Variants in CLIC5 observed in about 807,000 individuals in gnomAD.
The protein encoded by CLIC5 is chloride intracellular channel protein 5.
A neutral mutation model predicts 24.7 loss-of-function variants in CLIC5; 20 were observed. The ratio of observed to expected loss-of-function variants is 0.81; its 90% confidence interval spans 0.57 to 1.18. CLIC5 has a LOEUF of 1.18. Ranked by LOEUF, CLIC5 falls within the 50% of genes most tolerant of loss-of-function variation. CLIC5 has a pLI of 0.00. For missense variants in CLIC5, 341 were observed against 326.1 expected (o/e 1.05, Z -0.35); for synonymous variants, 159 against 135.6 (o/e 1.17, Z -1.20).
At chr6:45,930,798 A>G (rs1763707519) in intron 4 of CLIC5, among the ~76,000 whole-genome samples, 1 of 152,218 alleles carries the variant, frequency 6.6e-6, no homozygotes, top group Non-Finnish European at 1.5e-5. Context: ...AGTGATTTAT[A>G]TGCATTAATT....
At chr6:46,119,568 G>C in the CLIC5 span, among the ~76,000 whole-genome samples, 2 of 152,220 alleles carry the variant, frequency 1.3e-5, no homozygotes, top group Non-Finnish European at 2.9e-5. Flanking sequence ...TCTCACTGAG[G>C]CTTGTCGGAC....
intron 1 of CLIC5, among the ~76,000 whole-genome samples, chr6:46,062,284 T>TA (rs941994336): frequency 1.1e-4 from 17 of 151,894 alleles, no homozygotes; most frequent in East Asian, 5.8e-4. Context: ...CAGTAGAGTG[T>TA]AAAAAAAAAT....
At chr6:46,058,267 A>C (rs563441515) in intron 1 of CLIC5, among the ~76,000 whole-genome samples, 1 of 152,358 alleles carries the variant, frequency 6.6e-6, no homozygotes, top group Admixed American at 6.5e-5. Context: ...AATGATAAGA[A>C]GATTTAGAGG....
At chr6:46,043,247 A>C (rs1396358157) in intron 1 of CLIC5, among the ~76,000 whole-genome samples, 1 of 152,198 alleles carries the variant, frequency 6.6e-6, no homozygotes, top group Non-Finnish European at 1.5e-5. Flanking sequence ...CTTTGTATAC[A>C]TTGGTTCATC....
At chr6:46,043,999 A>C (rs1767887440) in intron 1 of CLIC5, among the ~76,000 whole-genome samples, 1 of 152,228 alleles carries the variant, frequency 6.6e-6, no homozygotes, top group Admixed American at 6.5e-5. Context: ...GATAAGATGC[A>C]TTGCCTGCTT....
At chr6:46,123,030 G>A in the CLIC5 span, 1 of 152,192 alleles carries the variant, frequency 6.6e-6, no homozygotes, top group African/African-American at 2.4e-5. Context: ...CATTCCTTCT[G>A]AAACTATTCC....
chr6:46,034,523 GC>G (rs1319372143), intron 1 of CLIC5, among the ~76,000 whole-genome samples: 4 of 152,170 alleles, frequency 2.6e-5, no homozygotes, highest in Non-Finnish European at 5.9e-5. Context: ...GATTGCTTGA[GC>G]CCAGGAGTTC....
chr6:46,129,505 T>C, the CLIC5 span: 1 of 152,212 alleles, frequency 6.6e-6, no homozygotes, highest in African/African-American at 2.4e-5. Flanking sequence ...AACTATTACC[T>C]AACTTCCCCG....
intron 1 of CLIC5, among the ~76,000 whole-genome samples, chr6:46,005,757 C>T (rs1766529691): frequency 6.6e-6 from 1 of 151,778 alleles, no homozygotes. Context: ...TCATGAGGGG[C>T]TGAAGAGAAT....
downstream of CLIC5, among the ~76,000 whole-genome samples, chr6:45,898,120 TGGA>T (rs1319408611): frequency 2.6e-5 from 4 of 152,162 alleles, no homozygotes; most frequent in Non-Finnish European, 1.5e-5. Context: ...TCACTCAGGC[TGGA>T]GTGCAGTGGT....
chr6:46,090,287 G>T, the CLIC5 span, among the ~76,000 whole-genome samples: 1 of 152,250 alleles, frequency 6.6e-6, no homozygotes, highest in East Asian at 1.9e-4. Flanking sequence ...TTTTCTGCAT[G>T]TATAATCCAC....
intron 4 of CLIC5, among the ~76,000 whole-genome samples, chr6:45,915,821 A>G (rs1016173726): frequency 1.3e-5 from 2 of 152,228 alleles, no homozygotes; most frequent in African/African-American, 4.8e-5. Flanking sequence ...GAACACTACC[A>G]TAGAAACTTT....
intron 1 of CLIC5, among the ~76,000 whole-genome samples, chr6:45,972,161 C>T (rs2127405001): frequency 6.6e-6 from 1 of 152,290 alleles, no homozygotes; most frequent in East Asian, 1.9e-4. Context: ...ATAGCGCTTG[C>T]AATTATGTGA....
chr6:45,906,214 G>A (rs939903448), intron 5 of CLIC5, among the ~76,000 whole-genome samples: 4 of 152,094 alleles, frequency 2.6e-5, no homozygotes, highest in East Asian at 1.9e-4. Flanking sequence ...GGTTCCACAC[G>A]AATTTTTAGA....
chr6:46,045,233 T>A (rs578219974), intron 1 of CLIC5, among the ~76,000 whole-genome samples: 12 of 152,338 alleles, frequency 7.9e-5, no homozygotes, highest in Admixed American at 2.6e-4. Flanking sequence ...ACATTTTTTT[T>A]AAATCACTTG....
intron 1 of CLIC5, among the ~76,000 whole-genome samples, chr6:46,048,859 G>A (rs537689181): frequency 2.6e-5 from 4 of 152,300 alleles, no homozygotes; most frequent in South Asian, 2.1e-4. Context: ...ATCAGAATGC[G>A]TGGTTCAGAC....
intron 4 of CLIC5, among the ~76,000 whole-genome samples, chr6:45,928,698 CCTGT>C (rs934548192): frequency 2.0e-5 from 3 of 151,828 alleles, no homozygotes; most frequent in African/African-American, 4.9e-5. Flanking sequence ...TTGAAATGAG[CCTGT>C]CTAAGGAGGT....
intron 1 of CLIC5, among the ~76,000 whole-genome samples, chr6:46,020,894 A>G (rs2127449832): frequency 6.6e-6 from 1 of 152,122 alleles, no homozygotes; most frequent in Middle Eastern, 3.4e-3. Context: ...ATAGTCCTAT[A>G]TTTATTAAAC....
chr6:45,978,697 C>G (rs565865490), intron 1 of CLIC5, among the ~76,000 whole-genome samples: 84 of 152,194 alleles, frequency 5.5e-4, no homozygotes, highest in Non-Finnish European at 9.7e-4. Context: ...TGGCTCATGC[C>G]TGTAATCCCA....
Sources: allele counts gnomAD v4.1 joint callset (sites outside exome capture counted in the v4.1 genomes callset), GRCh38; gene constraint gnomAD v4.1.1; transcripts MANE v1.5; gene names NCBI Gene and HGNC (gene_info 2026-07-23, HGNC 2026-07-21).